The following SLC9A2 variants were observed in gnomAD, a reference collection of about 807,000 sequenced individuals.
SLC9A2 encodes the protein sodium/hydrogen exchanger 2.
In SLC9A2, 42 loss-of-function variants were observed where a neutral mutation model predicts 71.7. That is an observed-to-expected ratio of 0.59 (90% CI 0.46 to 0.76). The LOEUF (loss-of-function observed/expected upper bound fraction) is 0.76, where lower values mean the gene tolerates loss of function less well. Among genes scored for constraint, SLC9A2 ranks in the 30% least tolerant of loss-of-function variants. The pLI is 0.00. For synonymous variants in SLC9A2, 396 were observed against 392.5 expected (o/e 1.01, Z -0.10); for missense variants, 829 against 1,017.4 (o/e 0.81, Z 2.52).
Position 102,708,230 on chromosome 2 carries a change from A to G in SLC9A2, c.2180A>G (p.Tyr727Cys), listed in dbSNP as rs375217344. 7 of 1,614,002 alleles carry G rather than the reference A, an allele frequency of 4.3e-6. No homozygotes were observed. The highest frequency in any genetic ancestry group is 3.3e-4 in the Middle Eastern group (2 of 6,084). Residue 727 changes from tyrosine (Y) to cysteine (C), a missense_variant, in exon 12 of 12, where the codon TAT becomes TGT. Tyr to Cys is a radical substitution (Grantham distance 194). Coordinates refer to ENST00000233969, the MANE Select transcript of SLC9A2 (RefSeq NM_003048.6). ...TTCTCCAAGAAATCCCCCCAGTCCTATAAAATGGAATGGAAGAATGAGGTA... is the reference window on the plus strand; with the variant it reads ...TTCTCCAAGAAATCCCCCCAGTCCTGTAAAATGGAATGGAAGAATGAGGTA... ...EQFSKKSPQS[Y>C]KMEWKNEVDV...
intron 10 of SLC9A2, among the ~76,000 whole-genome samples, chr2:102,704,937 G>A (rs930524108): frequency 6.6e-6 from 1 of 152,154 alleles, no homozygotes; most frequent in Admixed American, 6.5e-5. Flanking sequence ...GCTCATGCCT[G>A]TAAATGCCAG....
At position 102,684,315 on chromosome 2, in the gene SLC9A2, A is replaced by G; in HGVS notation, c.1404A>G (p.Ile468Met). 6.2e-7 allele frequency: 1 copy of G among 1,614,096 alleles called. No homozygotes were observed. Among genetic ancestry groups the G allele is most frequent in the South Asian group, 1.1e-5 (1 of 91,076 alleles). ...TTATTACGGCTGCCATTGTTGTCAT[A>G]TTCTTTACTGTCTTCATTCTGGTAA... ...KLFITAAIVV[I>M]FFTVFILGIT... The change falls in exon 5 of 12, where the codon ATA becomes ATG. Residue 468 changes from isoleucine to methionine, a missense_variant. Physicochemically the swap from Ile to Met is conservative, Grantham distance 10. Transcript: ENST00000233969.
At chr2:102,620,260 G>C in intron 1 of SLC9A2, 123 bp downstream of exon 1, 1 of 777,340 alleles carries the variant, frequency 1.3e-6, no homozygotes, top group Non-Finnish European at 2.0e-6. Flanking sequence ...GGGCAGGGAC[G>C]ACAGATGGAG....
intron 1 of SLC9A2, among the ~76,000 whole-genome samples, chr2:102,646,992 A>G (rs1676739055): frequency 6.6e-6 from 1 of 152,078 alleles, no homozygotes; most frequent in Admixed American, 6.5e-5. Flanking sequence ...CTCCACCCCA[A>G]ATCAACAGAA....
At chr2:102,693,781 A>G (rs1053779218) in intron 5 of SLC9A2, among the ~76,000 whole-genome samples, 3 of 152,206 alleles carry the variant, frequency 2.0e-5, no homozygotes, top group Non-Finnish European at 4.4e-5. Flanking sequence ...AAGACTGCAA[A>G]GTCCTAGAAC....
intron 1 of SLC9A2, among the ~76,000 whole-genome samples, chr2:102,627,126 A>T (rs1324429854): frequency 7.4e-6 from 1 of 135,576 alleles, no homozygotes; most frequent in African/African-American, 2.8e-5. Context: ...TCTCTTCAAA[A>T]TGTTAACAAC....
In SLC9A2 at chr2:102,658,000, G is replaced by A; in HGVS notation, c.726G>A (p.Glu242=). Residue 242 remains glutamate (E), a synonymous_variant, in exon 2 of 12, where the codon GAG becomes GAA. Transcript: ENST00000233969. ...AGCTCTACATCCTGGTCTTTGGAGA[G>A]TCCCTGCTGAATGATGCAGTAACAG... is the stretch of plus-strand genomic sequence containing the variant. ...NEQLYILVFG[E]SLLNDAVTVV... is the part of the protein sequence containing the mutation. The A allele has an allele frequency of 1.9e-6, 3 of 1,611,502 alleles. No homozygotes were observed. The highest frequency in any genetic ancestry group is 2.5e-6 in the Non-Finnish European group (3 of 1,178,704).
chr2:102,705,025 A>C (rs1677947600), intron 10 of SLC9A2, among the ~76,000 whole-genome samples: 1 of 152,054 alleles, frequency 6.6e-6, no homozygotes, highest in Non-Finnish European at 1.5e-5. Flanking sequence ...AACACGGTGA[A>C]ACCCCATCTC....
At chr2:102,667,920 C>T (rs561111184) in intron 3 of SLC9A2, among the ~76,000 whole-genome samples, 7 of 151,432 alleles carry the variant, frequency 4.6e-5, no homozygotes, top group East Asian at 3.9e-4. Context: ...AAAAAAAATA[C>T]AAAAATTAGT....
At position 102,702,499 on chromosome 2, in the gene SLC9A2, G is replaced by A. The variant is rs114491816; in HGVS notation, c.1842G>A (p.Gln614=). The part of the protein sequence containing the change: ...LLSRNLYQIR[Q]RTLSYNRHSL... The stretch of plus-strand genomic sequence containing the variant: ...CAAGAAATCTCTATCAAATCCGTCA[G>A]CGAGTAAGAATAATTTATGTAGCAA... Residue 614 remains glutamine, a synonymous_variant, in exon 9 of 12, where the codon CAG becomes CAA. Transcript: ENST00000233969. 2.7e-3 allele frequency: 4,182 copies of A among 1,559,234 alleles called. 5 individuals carry two copies. The highest frequency in any genetic ancestry group is 3.5e-3 in the Non-Finnish European group (3,977 of 1,140,938).
At chr2:102,672,253 C>T (rs1171258536) in intron 3 of SLC9A2, among the ~76,000 whole-genome samples, 1 of 152,158 alleles carries the variant, frequency 6.6e-6, no homozygotes, top group Non-Finnish European at 1.5e-5. Context: ...TGTTGAGTTA[C>T]ATAAATATGC....
At chr2:102,700,242 A>ATATCTGGGGTTTGGCCG (rs1677847730) in intron 7 of SLC9A2, among the ~76,000 whole-genome samples, 1 of 152,212 alleles carries the variant, frequency 6.6e-6, no homozygotes, top group Admixed American at 6.5e-5. Context: ...CCAAAAGCTC[A>ATATCTGGGGTTTGGCCG]TATCTGGGGT....
intron 5 of SLC9A2, among the ~76,000 whole-genome samples, chr2:102,688,735 CA>C (rs998447297): frequency 3.9e-4 from 59 of 151,054 alleles, no homozygotes; most frequent in African/African-American, 1.3e-3. Context: ...TCAAAACAAA[CA>C]AACAAACAAA....
intron 7 of SLC9A2, among the ~76,000 whole-genome samples, chr2:102,700,817 G>A (rs1435020713): frequency 6.6e-6 from 1 of 151,722 alleles, no homozygotes; most frequent in Non-Finnish European, 1.5e-5. Flanking sequence ...ACATATATGT[G>A]TATGTGTATG....
At chr2:102,649,305 C>A (rs1676787641) in intron 1 of SLC9A2, among the ~76,000 whole-genome samples, 1 of 152,088 alleles carries the variant, frequency 6.6e-6, no homozygotes, top group Non-Finnish European at 1.5e-5. Context: ...CTTTCTTACA[C>A]CTTATATAAA....
intron 1 of SLC9A2, among the ~76,000 whole-genome samples, chr2:102,631,448 A>T (rs1394115610): frequency 6.6e-6 from 1 of 152,070 alleles, no homozygotes; most frequent in Non-Finnish European, 1.5e-5. Flanking sequence ...TAGGTCACGC[A>T]TCTGTGTCAG....
intron 1 of SLC9A2, among the ~76,000 whole-genome samples, chr2:102,624,793 C>T (rs1173045962): frequency 6.6e-6 from 1 of 152,044 alleles, no homozygotes; most frequent in Admixed American, 6.6e-5. Flanking sequence ...AAATTATATT[C>T]TTATAATTTT....
intron 2 of SLC9A2, among the ~76,000 whole-genome samples, chr2:102,660,921 G>A (rs1373789168): frequency 2.6e-5 from 4 of 152,202 alleles, no homozygotes; most frequent in African/African-American, 9.6e-5. Context: ...GGGTAACATG[G>A]TAGGTTAGTG....
intron 3 of SLC9A2, among the ~76,000 whole-genome samples, chr2:102,673,799 T>C (rs964658158): frequency 1.3e-5 from 2 of 151,900 alleles, no homozygotes; most frequent in African/African-American, 4.8e-5. Flanking sequence ...TTTTTTTTTT[T>C]TTTTTGAGAC....
Sources: allele counts gnomAD v4.1 joint callset (sites outside exome capture counted in the v4.1 genomes callset), GRCh38; gene constraint gnomAD v4.1.1; transcripts MANE v1.5; gene names NCBI Gene and HGNC (gene_info 2026-07-23, HGNC 2026-07-21).